FAF1: variants seen among roughly 807,000 people sequenced by gnomAD.
FAF1 encodes the protein Fas associated factor 1.
A neutral mutation model predicts 92.5 loss-of-function variants in FAF1; 25 were observed. The observed-to-expected ratio is 0.27, with a 90% CI of 0.20 to 0.38. FAF1 has a LOEUF of 0.38. Among genes scored for constraint, FAF1 ranks in the 10% least tolerant of loss-of-function variants. FAF1 has a pLI of 1.00. For missense variants in FAF1, 636 were observed against 793.3 expected, an observed-to-expected ratio of 0.80 and a Z score of 2.38; for synonymous variants, 234 against 273.2, an observed-to-expected ratio of 0.86 and a Z score of 1.42.
intron 8 of FAF1, among the ~76,000 whole-genome samples, chr1:50,628,687 T>C (rs974055910): frequency 1.3e-5 from 2 of 152,202 alleles, no homozygotes; most frequent in South Asian, 4.1e-4. Flanking sequence ...GTGCACACAG[T>C]AGTCACACTT....
At chr1:50,908,697 C>T (rs1241619143) in intron 1 of FAF1, among the ~76,000 whole-genome samples, 1 of 151,296 alleles carries the variant, frequency 6.6e-6, no homozygotes, top group South Asian at 2.1e-4. Context: ...ATTGCAACCC[C>T]TGCCTTTTTT....
intron 15 of FAF1, among the ~76,000 whole-genome samples, chr1:50,519,245 G>A (rs940061473): frequency 2.6e-5 from 4 of 151,874 alleles, no homozygotes; most frequent in Admixed American, 6.6e-5. Context: ...CAGGAGAATC[G>A]CTTGAACCAG....
At chr1:50,935,372 T>C (rs1030841894) in intron 1 of FAF1, among the ~76,000 whole-genome samples, 1 of 152,166 alleles carries the variant, frequency 6.6e-6, no homozygotes, top group Non-Finnish European at 1.5e-5. Context: ...ATGTCAAGAA[T>C]ATAACATATA....
intron 7 of FAF1, among the ~76,000 whole-genome samples, chr1:50,686,609 G>C (rs1473312214): frequency 7.0e-6 from 1 of 142,840 alleles, no homozygotes; most frequent in African/African-American, 2.6e-5. Context: ...GAGGAGGGGA[G>C]GGAGGGGAGG....
chr1:50,499,867 A>G (rs947281906), intron 15 of FAF1, among the ~76,000 whole-genome samples: 1 of 152,294 alleles, frequency 6.6e-6, no homozygotes, highest in East Asian at 1.9e-4. Context: ...CTATATTTCT[A>G]TATACTGGCA....
At chr1:50,481,717 G>T (rs2149002702) in intron 17 of FAF1, among the ~76,000 whole-genome samples, 1 of 152,212 alleles carries the variant, frequency 6.6e-6, no homozygotes. Flanking sequence ...GGGGGGAGGG[G>T]TAAAATTTTA....
chr1:50,625,902 A>G (rs1653476541), intron 8 of FAF1, among the ~76,000 whole-genome samples: 1 of 152,184 alleles, frequency 6.6e-6, no homozygotes, highest in African/African-American at 2.4e-5. Flanking sequence ...TGGAGAATGG[A>G]GTGAGGGAAG....
intron 12 of FAF1, among the ~76,000 whole-genome samples, chr1:50,578,256 G>A (rs767794918): frequency 6.6e-6 from 1 of 152,104 alleles, no homozygotes; most frequent in Non-Finnish European, 1.5e-5. Context: ...TAAAATTAAT[G>A]TACCTCCCCT....
intron 13 of FAF1, among the ~76,000 whole-genome samples, chr1:50,562,790 A>C (rs1447045018): frequency 6.6e-6 from 1 of 152,212 alleles, no homozygotes; most frequent in African/African-American, 2.4e-5. Flanking sequence ...GGTTCATATT[A>C]AATATTCAGT....
Position 50,438,935 on chromosome 1 carries a change from C to T in FAF1, c.*2505G>A, listed in dbSNP as rs1314982733. The T allele has an allele frequency of 6.6e-6, 1 of 151,424 alleles. No homozygotes were observed. Among genetic ancestry groups the T allele is most frequent in the African/African-American group, 2.5e-5 (1 of 40,678 alleles). The allele number at this position is 151,424 out of a possible 1,614,324, so 9.4% of individuals were successfully genotyped here. A position where few individuals can be genotyped will look rare whatever the true frequency, so the allele number is the denominator to read the frequency against. ...TGGCAACATCCGAAATCAGAAACCT[C>T]CAAAAAAATCCCTGCACCTTCTTAA... is the stretch of plus-strand genomic sequence containing the variant. On this transcript the variant is annotated 3_prime_UTR_variant, in exon 19 of 19. Coordinates refer to ENST00000396153, the MANE Select transcript of FAF1 (RefSeq NM_007051.3).
intron 1 of FAF1, among the ~76,000 whole-genome samples, chr1:50,959,398 A>G (rs1474215232): frequency 1.3e-5 from 2 of 152,016 alleles, no homozygotes; most frequent in Non-Finnish European, 2.9e-5. Flanking sequence ...CTCACACTCC[A>G]TACATCTCTC....
chr1:50,621,383 CTTTT>C (rs1055594541), intron 8 of FAF1, among the ~76,000 whole-genome samples: 2 of 110,734 alleles, frequency 1.8e-5, no homozygotes, highest in African/African-American at 3.6e-5. Context: ...CCCGATCTTT[CTTTT>C]TTTCTTTTTT....
chr1:50,738,212 G>A (rs1331425350), intron 6 of FAF1, among the ~76,000 whole-genome samples: 1 of 152,050 alleles, frequency 6.6e-6, no homozygotes, highest in Non-Finnish European at 1.5e-5. Context: ...GGGAGGCCGA[G>A]GTGGGCAGAT....
At chr1:50,582,441 T>G (rs1285014848) in intron 12 of FAF1, 177 bp downstream of exon 12, 15 of 526,766 alleles carry the variant, frequency 2.8e-5, no homozygotes, top group Non-Finnish European at 5.1e-5. Context: ...AAAATTGGAC[T>G]TATACAGAGA....
chr1:50,445,551 C>T (rs1175874191), intron 18 of FAF1, among the ~76,000 whole-genome samples: 1 of 152,178 alleles, frequency 6.6e-6, no homozygotes, highest in Non-Finnish European at 1.5e-5. Flanking sequence ...AAGATCTTCA[C>T]TTTAAGAATG....
intron 9 of FAF1, among the ~76,000 whole-genome samples, chr1:50,593,372 C>T (rs887719320): frequency 9.9e-5 from 15 of 152,184 alleles, no homozygotes; most frequent in African/African-American, 3.4e-4. Flanking sequence ...AGTTACCTGT[C>T]ACCTCTCAGA....
chr1:50,549,593 G>A (rs957673741), intron 13 of FAF1, among the ~76,000 whole-genome samples: 4 of 151,992 alleles, frequency 2.6e-5, no homozygotes, highest in African/African-American at 7.2e-5. Context: ...TGGCCAACAA[G>A]GTGAAACCCC....
rs891005371 is a variant in FAF1, at chr1:50,718,738, T to C, written c.552-12847A>G. ...AATGTGGTATTGAATTTTTCATTAA[T>C]ACTTTACCATTTATATCTTTCCAAA... On this transcript the variant is annotated intron_variant, in intron 6 of 18. Coordinates refer to ENST00000396153, the MANE Select transcript of FAF1 (RefSeq NM_007051.3). Among the ~76,000 whole-genome samples the C allele has an allele frequency of 9.2e-5, 14 of 152,364 alleles. No homozygotes were observed. In the East Asian group the frequency reaches 2.7e-3, roughly 29 times the overall value.
intron 2 of FAF1, among the ~76,000 whole-genome samples, chr1:50,847,880 C>T (rs530289810): frequency 2.6e-4 from 40 of 151,400 alleles, no homozygotes; most frequent in Admixed American, 6.7e-4. Context: ...CAAACAAATG[C>T]ACACATATAC....
Sources: gnomAD v4.1 joint callset for allele counts (sites outside exome capture counted in the v4.1 genomes callset) on GRCh38, gnomAD v4.1.1 for gene constraint, MANE v1.5 for transcripts, NCBI Gene and HGNC (gene_info 2026-07-23, HGNC 2026-07-21) for gene names.